Variants in CCDC68 observed in about 807,000 individuals in gnomAD.
The protein encoded by CCDC68 is coiled-coil domain containing 68.
CCDC68 carries 45 observed loss-of-function variants against 47.1 expected under a neutral mutation model. The observed-to-expected ratio is 0.96, with a 90% CI of 0.75 to 1.23. The LOEUF (loss-of-function observed/expected upper bound fraction) is 1.23. CCDC68 is among the 50% of genes most tolerant of loss of function. The probability of loss-of-function intolerance (pLI) is 0.00; values close to 1 mark genes in which losing one functional copy is unlikely to be tolerated. For synonymous variants in CCDC68, 131 were observed against 129.5 expected (o/e 1.01, Z -0.08); for missense variants, 353 against 373.6 (o/e 0.94, Z 0.45).
intron 7 of CCDC68, among the ~76,000 whole-genome samples, chr18:54,931,603 G>A (rs995545918): frequency 2.0e-5 from 3 of 152,350 alleles, no homozygotes; most frequent in East Asian, 1.9e-4. Context: ...GAGGAACTAG[G>A]TGGTCTCAAA....
chr18:54,947,505 C>A (rs1287659812), intron 1 of CCDC68, among the ~76,000 whole-genome samples: 1 of 152,256 alleles, frequency 6.6e-6, no homozygotes, highest in Non-Finnish European at 1.5e-5. Context: ...TCTGCCACTC[C>A]ATACCTGTGT....
At chr18:54,932,189 T>TG (rs33979160) in intron 7 of CCDC68, among the ~76,000 whole-genome samples, 1 of 53,622 alleles carries the variant, frequency 1.9e-5, no homozygotes, top group African/African-American at 6.4e-5. Flanking sequence ...ACCAATTTGG[T>TG]TTTTTTTTTT....
chr18:54,953,273 C>G (rs1034125126), intron 1 of CCDC68, among the ~76,000 whole-genome samples: 4 of 149,208 alleles, frequency 2.7e-5, no homozygotes, highest in African/African-American at 4.9e-5. Flanking sequence ...GGTTCTATGA[C>G]TATAACAATT....
chr18:54,931,553 A>C (rs1393131486), intron 7 of CCDC68, among the ~76,000 whole-genome samples: 1 of 152,220 alleles, frequency 6.6e-6, no homozygotes, highest in Non-Finnish European at 1.5e-5. Flanking sequence ...ATTGTGGAAT[A>C]GTTTCTGGTT....
chr18:54,950,485 A>G (rs1416986192), intron 1 of CCDC68, among the ~76,000 whole-genome samples: 1 of 152,176 alleles, frequency 6.6e-6, no homozygotes, highest in African/African-American at 2.4e-5. Flanking sequence ...AGTATACGAA[A>G]GACATGCATG....
Position 54,909,930 on chromosome 18 carries a change from G to A in CCDC68, c.874-2068C>T, listed in dbSNP as rs138106789. Among the ~76,000 whole-genome samples, 81 of 152,348 alleles carry A rather than the reference G, an allele frequency of 5.3e-4. 3 individuals are homozygous for A. The East Asian group carries it at 7.1e-3, about 13-fold the overall frequency. The stretch of plus-strand genomic sequence containing the variant: ...TCCTTCTCTTTGCCTGCAACATGGC[G>A]AGCAAGGGGCATGTCTCAGCCCTGT... On this transcript the variant is annotated intron_variant, in intron 10 of 11. Coordinates refer to ENST00000591504, the MANE Select transcript of CCDC68 (RefSeq NM_025214.3).
intron 11 of CCDC68, among the ~76,000 whole-genome samples, chr18:54,905,421 G>GGAAGGAAGGAAGGAAGGAAGGAAT (rs1913943555): frequency 6.7e-6 from 1 of 148,406 alleles, no homozygotes; most frequent in South Asian, 2.1e-4. Context: ...AAGGAAGGAA[G>GGAAGGAAGGAAGGAAGGAAGGAAT]GAAGGAAGGA....
intron 8 of CCDC68, 94 bp from the exon 9 acceptor site, chr18:54,919,470 G>GATCC: frequency 1.0e-6 from 1 of 995,412 alleles, no homozygotes; most frequent in Non-Finnish European, 1.6e-6. Flanking sequence ...ACACTCTACT[G>GATCC]CTACTGGGGA....
intron 1 of CCDC68, among the ~76,000 whole-genome samples, chr18:54,950,807 G>A (rs1172939185): frequency 2.4e-5 from 2 of 82,238 alleles, no homozygotes; most frequent in Middle Eastern, 5.1e-3. Flanking sequence ...TATATATGAT[G>A]CAATAAGGCA....
chr18:54,938,188 A>C, intron 4 of CCDC68, 91 bp from the exon 5 acceptor site: 2 of 1,240,880 alleles, frequency 1.6e-6, no homozygotes, highest in Non-Finnish European at 2.2e-6. Flanking sequence ...TACATATATC[A>C]AAGAAGCTTC....
intron 10 of CCDC68, among the ~76,000 whole-genome samples, chr18:54,911,567 G>A (rs1452817286): frequency 6.6e-6 from 1 of 152,126 alleles, no homozygotes; most frequent in Admixed American, 6.5e-5. Flanking sequence ...TTCATCAATT[G>A]ATGGTGAAGA....
chr18:54,906,152 C>A (rs964998689), intron 11 of CCDC68, among the ~76,000 whole-genome samples: 5 of 142,252 alleles, frequency 3.5e-5, no homozygotes, highest in Non-Finnish European at 7.6e-5. Flanking sequence ...CCACCCTGGT[C>A]CATGGAAAAA....
chr18:54,913,597 T>C (rs1914488330), intron 10 of CCDC68, among the ~76,000 whole-genome samples: 1 of 151,986 alleles, frequency 6.6e-6, no homozygotes, highest in African/African-American at 2.4e-5. Flanking sequence ...AGCCCAGGAG[T>C]TTGAAACCAG....
At chr18:54,938,596 C>T (rs2044388127) in intron 4 of CCDC68, among the ~76,000 whole-genome samples, 1 of 152,240 alleles carries the variant, frequency 6.6e-6, no homozygotes, top group Admixed American at 6.5e-5. Context: ...CTGATGTAAG[C>T]TCTAGCTCAC....
chr18:54,912,698 A>T (rs1914436748), intron 10 of CCDC68, among the ~76,000 whole-genome samples: 1 of 152,208 alleles, frequency 6.6e-6, no homozygotes, highest in Admixed American at 6.5e-5. Flanking sequence ...CTGCTAATAA[A>T]GATGTACCCA....
intron 2 of CCDC68, among the ~76,000 whole-genome samples, chr18:54,943,671 A>G (rs1321148850): frequency 1.3e-5 from 2 of 152,210 alleles, no homozygotes; most frequent in East Asian, 3.8e-4. Context: ...ATAATCTTGA[A>G]CTATATTCAC....
At position 54,954,248 on chromosome 18, in the gene CCDC68, G is replaced by T. The variant is rs188354447; in HGVS notation, c.-103+5088C>A. On this transcript the variant is annotated intron_variant, in intron 1 of 11. Coordinates refer to ENST00000591504, the MANE Select transcript of CCDC68 (RefSeq NM_025214.3). ...TTTTTGTATTTTTAGTAGAGATGGG[G>T]TTTTACCATGTTGCCTATGGCTGGT... Among the ~76,000 whole-genome samples, 395 of 151,796 alleles carry T rather than the reference G, an allele frequency of 2.6e-3. 3 individuals are homozygous for T. In the Middle Eastern group the frequency reaches 0.034, roughly 13 times the overall value.
intron 1 of CCDC68, among the ~76,000 whole-genome samples, chr18:54,954,115 G>C (rs1188007806): frequency 6.7e-6 from 1 of 150,138 alleles, no homozygotes; most frequent in African/African-American, 2.5e-5. Context: ...GAGTGCAGTG[G>C]CTCAATCTCA....
intron 1 of CCDC68, among the ~76,000 whole-genome samples, chr18:54,950,572 T>G (rs1396933311): frequency 2.0e-5 from 3 of 152,162 alleles, no homozygotes; most frequent in Non-Finnish European, 4.4e-5. Flanking sequence ...TTCAACTACA[T>G]GCTAATCATT....
Sources: allele counts gnomAD v4.1 joint callset (sites outside exome capture counted in the v4.1 genomes callset), GRCh38; gene constraint gnomAD v4.1.1; transcripts MANE v1.5; gene names NCBI Gene and HGNC (gene_info 2026-07-23, HGNC 2026-07-21).